The following CNTNAP2 variants were observed in gnomAD, a reference collection of about 807,000 sequenced individuals.
The protein encoded by CNTNAP2 is contactin associated protein 2, also known as contactin-associated protein-like 2.
Under a neutral mutation model 155.2 loss-of-function variants are expected in CNTNAP2, and 98 were observed. That is an observed-to-expected ratio of 0.63 (90% CI 0.54 to 0.75). CNTNAP2 has a LOEUF of 0.75. CNTNAP2 is among the 30% of genes least tolerant of loss of function. The pLI, the probability that CNTNAP2 is intolerant of heterozygous loss-of-function variation, is 0.00. For missense variants in CNTNAP2, 1,727 were observed against 1,688.1 expected, an observed-to-expected ratio of 1.02 and a Z score of -0.40; for synonymous variants, 651 against 631.2, an observed-to-expected ratio of 1.03 and a Z score of -0.47.
intron 14 of CNTNAP2, among the ~76,000 whole-genome samples, chr7:147,946,498 A>G (rs950731019): frequency 6.6e-6 from 1 of 152,110 alleles, no homozygotes; most frequent in African/African-American, 2.4e-5. Flanking sequence ...TAAGCATGAC[A>G]GAAGGTTTTA....
At chr7:147,492,097 A>G (rs1462972347) in intron 11 of CNTNAP2, among the ~76,000 whole-genome samples, 1 of 152,208 alleles carries the variant, frequency 6.6e-6, no homozygotes, top group Non-Finnish European at 1.5e-5. Context: ...GGCCAGGTTC[A>G]TAGGAGACAG....
At chr7:146,126,173 A>T (rs1387303135) in intron 1 of CNTNAP2, among the ~76,000 whole-genome samples, 1 of 152,152 alleles carries the variant, frequency 6.6e-6, no homozygotes, top group African/African-American at 2.4e-5. Flanking sequence ...GCTGGCTGAG[A>T]GTGAAGTGCT....
Position 147,395,711 on chromosome 7 carries a change from A to C in CNTNAP2, c.1601A>C (p.Tyr534Ser). 6.2e-7 allele frequency: 1 copy of C among 1,612,592 alleles called. No individual in the cohort carries two copies. The highest frequency in any genetic ancestry group is 1.1e-5 in the South Asian group (1 of 91,064). Residue 534 changes from tyrosine to serine, a missense_variant, in exon 10 of 24, where the codon TAC (tyrosine) becomes TCC (serine). Transcript: ENST00000361727. ...IQVDDQLVNL[Y>S]EVAQRKPGSF... Reference sequence around the variant, plus strand: ...GTGGACGATCAACTTGTAAATTTATACGAAGTGGCACAAAGGAAGCCGGGA... The same window carrying C: ...GTGGACGATCAACTTGTAAATTTATCCGAAGTGGCACAAAGGAAGCCGGGA...
At chr7:146,912,621 A>C (rs11765622) in intron 3 of CNTNAP2, among the ~76,000 whole-genome samples, 1 of 151,894 alleles carries the variant, frequency 6.6e-6, no homozygotes, top group Non-Finnish European at 1.5e-5. Context: ...ATCCCCTTTA[A>C]ACCTCAAGAA....
chr7:147,409,472 A>T (rs1797065842), intron 10 of CNTNAP2, among the ~76,000 whole-genome samples: 1 of 152,220 alleles, frequency 6.6e-6, no homozygotes, highest in South Asian at 2.1e-4. Context: ...ATGCAGTACC[A>T]TTCAGGACAT....
At chr7:146,979,728 A>T (rs1797978469) in intron 3 of CNTNAP2, among the ~76,000 whole-genome samples, 1 of 152,204 alleles carries the variant, frequency 6.6e-6, no homozygotes. Context: ...GTAAAGTAAA[A>T]TCTGTCTAAA....
At chr7:147,798,685 C>G (rs557132887) in intron 13 of CNTNAP2, among the ~76,000 whole-genome samples, 1 of 152,268 alleles carries the variant, frequency 6.6e-6, no homozygotes, top group South Asian at 2.1e-4. Context: ...AATTGGGTCA[C>G]ACACTCATTC....
chr7:147,133,533 C>T (rs1259588769), intron 8 of CNTNAP2, among the ~76,000 whole-genome samples: 2 of 151,922 alleles, frequency 1.3e-5, no homozygotes, highest in Non-Finnish European at 2.9e-5. Flanking sequence ...TCTCTTTTCC[C>T]CTCTAGGCTC....
chr7:147,951,290 A>C (rs1430850140), intron 14 of CNTNAP2, among the ~76,000 whole-genome samples: 1 of 152,228 alleles, frequency 6.6e-6, no homozygotes, highest in Non-Finnish European at 1.5e-5. Context: ...AGTAAGAAAA[A>C]GTACAGAAAG....
intron 4 of CNTNAP2, among the ~76,000 whole-genome samples, chr7:147,071,781 C>G (rs554005777): frequency 1.3e-4 from 20 of 152,268 alleles, no homozygotes; most frequent in African/African-American, 4.6e-4. Context: ...CTATGTAGTA[C>G]TAGACAGAGG....
chr7:148,312,809 G>A (rs1417284800), intron 21 of CNTNAP2, among the ~76,000 whole-genome samples: 1 of 151,956 alleles, frequency 6.6e-6, no homozygotes, highest in Non-Finnish European at 1.5e-5. Flanking sequence ...GCATTGAGGG[G>A]GTAAGGGTGA....
intron 13 of CNTNAP2, among the ~76,000 whole-genome samples, chr7:147,801,577 C>G (rs938961767): frequency 6.6e-6 from 1 of 151,826 alleles, no homozygotes; most frequent in East Asian, 1.9e-4. Context: ...CATCTTGCAC[C>G]GCCCTTAATC....
chr7:147,541,631 C>T (rs926280831), intron 11 of CNTNAP2, among the ~76,000 whole-genome samples: 2 of 152,124 alleles, frequency 1.3e-5, no homozygotes, highest in Non-Finnish European at 2.9e-5. Flanking sequence ...AATTTTAAAT[C>T]GTACCCTGTA....
At chr7:148,146,325 G>A (rs930827376) in intron 16 of CNTNAP2, among the ~76,000 whole-genome samples, 2 of 152,222 alleles carry the variant, frequency 1.3e-5, no homozygotes, top group East Asian at 1.9e-4. Context: ...AGCTGAAGAC[G>A]TGTGTGCTGC....
At chr7:148,111,396 C>T (rs982375553) in intron 15 of CNTNAP2, among the ~76,000 whole-genome samples, 11 of 151,992 alleles carry the variant, frequency 7.2e-5, no homozygotes, top group African/African-American at 2.4e-4. Flanking sequence ...AGGGGACTAT[C>T]AGAGAACGAG....
intron 1 of CNTNAP2, among the ~76,000 whole-genome samples, chr7:146,744,555 G>A (rs1366959921): frequency 6.6e-6 from 1 of 152,148 alleles, no homozygotes; most frequent in Non-Finnish European, 1.5e-5. Context: ...GGAGCAAATT[G>A]CTTCTCTCAA....
At chr7:147,629,418 T>A (rs1262587802) in intron 12 of CNTNAP2, among the ~76,000 whole-genome samples, 1 of 141,606 alleles carries the variant, frequency 7.1e-6, no homozygotes, top group East Asian at 2.0e-4. Flanking sequence ...ATAATAATAA[T>A]AATAATAATA....
At chr7:147,589,467 C>A (rs751843232) in intron 12 of CNTNAP2, among the ~76,000 whole-genome samples, 57 of 152,274 alleles carry the variant, frequency 3.7e-4, no homozygotes, top group Non-Finnish European at 7.6e-4. Context: ...CCTTCTCATT[C>A]CCCTTTCCTT....
intron 1 of CNTNAP2, among the ~76,000 whole-genome samples, chr7:146,716,868 C>T (rs975567957): frequency 3.9e-5 from 6 of 152,136 alleles, no homozygotes; most frequent in African/African-American, 1.4e-4. Context: ...CAAGGTCATA[C>T]CTCTATTATG....
Sources: gnomAD v4.1 joint callset for allele counts (sites outside exome capture counted in the v4.1 genomes callset) on GRCh38, gnomAD v4.1.1 for gene constraint, MANE v1.5 for transcripts, NCBI Gene and HGNC (gene_info 2026-07-23, HGNC 2026-07-21) for gene names.